The following PPP4R3B variants were observed in gnomAD, a reference collection of about 807,000 sequenced individuals.
The protein encoded by PPP4R3B is serine/threonine-protein phosphatase 4 regulatory subunit 3B.
In PPP4R3B, 52 loss-of-function variants were observed where a neutral mutation model predicts 95.4. The ratio of observed to expected loss-of-function variants is 0.54; its 90% CI spans 0.44 to 0.69. The LOEUF is 0.69. Among genes scored for constraint, PPP4R3B ranks in the 30% least tolerant of loss-of-function variants. The pLI, the probability that PPP4R3B is intolerant of heterozygous loss-of-function variation, is 0.00. For synonymous variants in PPP4R3B, 407 were observed against 343.9 expected, an observed-to-expected ratio of 1.18 and a Z score of -2.03; for missense variants, 1,003 against 1,005.9, an observed-to-expected ratio of 1.00 and a Z score of 0.04.
intron 16 of PPP4R3B, among the ~76,000 whole-genome samples, chr2:55,554,817 T>G (rs1456033748): frequency 6.6e-6 from 1 of 152,252 alleles, no homozygotes; most frequent in African/African-American, 2.4e-5. Flanking sequence ...AATCACTGCC[T>G]AAATCCAAGG....
intron 8 of PPP4R3B, among the ~76,000 whole-genome samples, 177 bp downstream of exon 8, chr2:55,581,389 TA>T (rs1474221227): frequency 6.6e-6 from 1 of 152,260 alleles, no homozygotes; most frequent in Non-Finnish European, 1.5e-5. Context: ...AACATTTTAC[TA>T]AGATTTTGAC....
chr2:55,592,000 T>C (rs960971893), intron 4 of PPP4R3B, among the ~76,000 whole-genome samples: 2 of 152,152 alleles, frequency 1.3e-5, no homozygotes, highest in Non-Finnish European at 2.9e-5. Context: ...TATATTTAAG[T>C]CAAAACTTGT....
chr2:55,594,872 A>T (rs1691547469), intron 4 of PPP4R3B, among the ~76,000 whole-genome samples: 2 of 152,198 alleles, frequency 1.3e-5, no homozygotes, highest in Admixed American at 1.3e-4. Context: ...TGGTAGGTGA[A>T]TAAATGACCT....
chr2:55,560,511 G>A (rs1291725884), intron 15 of PPP4R3B, among the ~76,000 whole-genome samples: 3 of 152,172 alleles, frequency 2.0e-5, no homozygotes, highest in Non-Finnish European at 2.9e-5. Context: ...GGGCACAGTG[G>A]CTCATGCCTG....
intron 15 of PPP4R3B, 55 bp downstream of exon 15, chr2:55,564,258 T>C: frequency 2.1e-6 from 3 of 1,424,958 alleles, no homozygotes; most frequent in Non-Finnish European, 2.8e-6. Context: ...AGCAACAAAA[T>C]AATTTCTGCA....
chr2:55,577,739 T>C (rs955980462), intron 10 of PPP4R3B, among the ~76,000 whole-genome samples: 1 of 152,126 alleles, frequency 6.6e-6, no homozygotes, highest in African/African-American at 2.4e-5. Flanking sequence ...TTATCCATTA[T>C]ACATCTAATT....
intron 4 of PPP4R3B, chr2:55,591,647 A>C (rs1379985729): frequency 1.5e-5 from 15 of 984,806 alleles, no homozygotes; most frequent in Non-Finnish European, 1.8e-5. Flanking sequence ...GCAATTTCCC[A>C]CTTGAATTCT....
chr2:55,614,095 T>C (rs1694569822), intron 2 of PPP4R3B: 2 of 152,176 alleles, frequency 1.3e-5, no homozygotes, highest in African/African-American at 2.4e-5. Context: ...ATATTGAAAA[T>C]TTTAAAGTAT....
intron 2 of PPP4R3B, among the ~76,000 whole-genome samples, chr2:55,613,576 C>G (rs1694490607): frequency 6.6e-6 from 1 of 151,996 alleles, no homozygotes; most frequent in African/African-American, 2.4e-5. Context: ...CCTAATGATT[C>G]TAAAGTATTC....
At chr2:55,599,631 A>G (rs1457385685) in intron 3 of PPP4R3B, among the ~76,000 whole-genome samples, 1 of 152,222 alleles carries the variant, frequency 6.6e-6, no homozygotes, top group Non-Finnish European at 1.5e-5. Flanking sequence ...CAATCTGATC[A>G]TAACGTCTCA....
intron 12 of PPP4R3B, among the ~76,000 whole-genome samples, chr2:55,571,534 T>G (rs965795981): frequency 1.3e-5 from 2 of 152,252 alleles, no homozygotes; most frequent in East Asian, 3.9e-4. Flanking sequence ...AAGAAAAGTA[T>G]GAAAAACAAA....
Position 55,573,686 on chromosome 2 carries a change from A to G in PPP4R3B, c.1698T>C (p.Ile566=). The G allele has an allele frequency of 6.5e-7, 1 of 1,545,908 alleles. No individual in the cohort carries two copies. The highest frequency in any genetic ancestry group is 8.7e-7 in the Non-Finnish European group (1 of 1,145,348). ...CTCTTCTTAGCAAGTCCTTGTTCAT[A>G]ATATAGTTTTTTATGTGATATGTGT... ...EHHTYHIKNY[I]MNKDLLRRVL... Residue 566 remains isoleucine, a synonymous_variant, in exon 12 of 17, where the codon ATT becomes ATC. Coordinates refer to ENST00000616407, the MANE Select transcript of PPP4R3B (RefSeq NM_001122964.3).
intron 2 of PPP4R3B, among the ~76,000 whole-genome samples, chr2:55,608,662 T>C (rs1372617107): frequency 2.6e-5 from 4 of 152,338 alleles, no homozygotes; most frequent in East Asian, 3.9e-4. Flanking sequence ...GTCATCACTT[T>C]GCATAAACTC....
Position 55,586,659 on chromosome 2 carries a change from A to T in PPP4R3B, c.1075T>A (p.Leu359Met). The change falls in exon 6 of 17, where the codon TTG becomes ATG. Residue 359 changes from leucine to methionine, a missense_variant. Coordinates refer to ENST00000616407, the MANE Select transcript of PPP4R3B (RefSeq NM_001122964.3). ...PQNRDAFFKT[L>M]AKLGILPALE... ...GCAGGAAGAATTCCCAATTTTGCCA[A>T]TGTTTTGAAAAATGCATCCCTGTTT... 1.2e-6 allele frequency: 2 copies of T among 1,610,216 alleles called. No individual in the cohort carries two copies. The highest frequency in any genetic ancestry group is 1.7e-6 in the Non-Finnish European group (2 of 1,178,368).
At chr2:55,590,261 A>G (rs1354609198) in intron 4 of PPP4R3B, among the ~76,000 whole-genome samples, 1 of 151,884 alleles carries the variant, frequency 6.6e-6, no homozygotes, top group African/African-American at 2.4e-5. Flanking sequence ...TGGGAGGCGG[A>G]GGTTGCAGTG....
chr2:55,579,754 A>T lies in PPP4R3B; in HGVS notation c.1393T>A (p.Phe465Ile), dbSNP rs1264727889. ...ACATGCATACAATGGTTGTAGAAAA[A>T]ATTTAGAAATTCACTTTTTTCGGTT... ...NKTEKSEFLN[F>I]FYNHCMHVLT... is the part of the protein sequence containing the mutation. The change falls in exon 9 of 17, where the codon TTT becomes ATT. Residue 465 changes from phenylalanine to isoleucine, a missense_variant. Phe to Ile is a conservative substitution (Grantham distance 21). Coordinates refer to ENST00000616407, the MANE Select transcript of PPP4R3B (RefSeq NM_001122964.3). 6.2e-7 allele frequency: 1 copy of T among 1,606,954 alleles called. No homozygotes were observed.
rs146789930 is a variant in PPP4R3B, at chr2:55,594,908, AAATTAAAGTAAACAAT to A, written c.921+3492_921+3507del. On this transcript the variant is annotated intron_variant, in intron 4 of 16. Transcript: ENST00000616407. ...GAAAGAAAAGTAAATCCTATGCAAA[AAATTAAAGTAAACAAT>A]AATAGGTGACTACTGGTGGGAAACG... 7.5e-3 allele frequency among the ~76,000 whole-genome samples: 1,142 copies of A among 152,314 alleles called. 18 individuals carry two copies. Among genetic ancestry groups the A allele is most frequent in the African/African-American group, 0.026 (1,093 of 41,558 alleles).
chr2:55,555,692 C>G (rs929146568), intron 16 of PPP4R3B, among the ~76,000 whole-genome samples: 31 of 152,292 alleles, frequency 2.0e-4, no homozygotes, highest in African/African-American at 7.5e-4. Flanking sequence ...ATGATTTTAA[C>G]TACAAAAAGC....
intron 2 of PPP4R3B, among the ~76,000 whole-genome samples, chr2:55,612,788 A>C: frequency 6.6e-6 from 1 of 152,092 alleles, no homozygotes; most frequent in East Asian, 1.9e-4. Flanking sequence ...ACTAAAAAAT[A>C]CAAAAAAATT....
Sources: gnomAD v4.1 joint callset for allele counts (sites outside exome capture counted in the v4.1 genomes callset) on GRCh38, gnomAD v4.1.1 for gene constraint, MANE v1.5 for transcripts, NCBI Gene and HGNC (gene_info 2026-07-23, HGNC 2026-07-21) for gene names.